The following MCTP1 variants were observed in gnomAD, a reference collection of about 807,000 sequenced individuals.
MCTP1 encodes multiple C2 and transmembrane domain-containing protein 1.
A neutral mutation model predicts 120.6 loss-of-function variants in MCTP1; 69 were observed. The ratio of observed to expected loss-of-function variants is 0.57; its 90% CI spans 0.47 to 0.70. The LOEUF is 0.70. MCTP1 is among the 30% of genes least tolerant of loss of function. MCTP1 has a pLI of 0.00. For missense variants in MCTP1, 1,203 were observed against 1,248.8 expected (o/e 0.96, Z 0.55); for synonymous variants, 529 against 493.1 (o/e 1.07, Z -0.96).
intron 5 of MCTP1, among the ~76,000 whole-genome samples, chr5:94,934,719 C>G (rs1815719376): frequency 7.0e-6 from 1 of 142,614 alleles, no homozygotes; most frequent in Admixed American, 7.4e-5. Flanking sequence ...AATATCAAAA[C>G]TAATCCAAGA....
At chr5:95,199,715 C>T (rs907139599) in intron 1 of MCTP1, among the ~76,000 whole-genome samples, 6 of 150,970 alleles carry the variant, frequency 4.0e-5, no homozygotes, top group East Asian at 1.9e-4. Context: ...AAAAATTAGC[C>T]GGGTGTGGTG....
chr5:95,211,899 G>C lies in MCTP1; in HGVS notation c.720+71957C>G, dbSNP rs563323615. On this transcript the variant is annotated intron_variant, in intron 1 of 22. Coordinates refer to ENST00000515393, the MANE Select transcript of MCTP1 (RefSeq NM_024717.7). ...TGTTAGTTTTCCTTCTGACAGACAG[G>C]ACCCTCAGCTGCAGGTCTGTTGGAG... 3.9e-5 allele frequency among the ~76,000 whole-genome samples: 6 copies of C among 152,188 alleles called. No individual in the cohort carries two copies. In the South Asian group the frequency reaches 1.2e-3, roughly 32 times the overall value.
intron 2 of MCTP1, among the ~76,000 whole-genome samples, chr5:94,987,031 T>C (rs1033625614): frequency 2.6e-5 from 4 of 152,218 alleles, no homozygotes; most frequent in Admixed American, 2.0e-4. Context: ...GTAAAGGCTA[T>C]GTGAATATTT....
intron 1 of MCTP1, among the ~76,000 whole-genome samples, chr5:95,195,537 A>C (rs939157185): frequency 2.0e-5 from 3 of 152,204 alleles, no homozygotes; most frequent in Non-Finnish European, 4.4e-5. Flanking sequence ...ATTAAAGGAC[A>C]CATAAAATCA....
At chr5:95,150,115 C>A (rs999536301) in intron 1 of MCTP1, among the ~76,000 whole-genome samples, 1 of 152,156 alleles carries the variant, frequency 6.6e-6, no homozygotes, top group Non-Finnish European at 1.5e-5. Flanking sequence ...AGTCAGTCAT[C>A]TTGAACCCAT....
intron 1 of MCTP1, among the ~76,000 whole-genome samples, chr5:95,225,565 T>C (rs1754164822): frequency 6.6e-6 from 1 of 152,216 alleles, no homozygotes; most frequent in South Asian, 2.1e-4. Context: ...TACTATTATG[T>C]AGGCCTTAAG....
Position 95,284,332 on chromosome 5 carries a change from T to C in MCTP1, c.244A>G (p.Lys82Glu). ...SGAGSRWSGF[K>E]KRKQVLDRVF... The stretch of plus-strand genomic sequence containing the variant: ...CGGTCCAGCACTTGCTTCCGCTTCT[T>C]GAAGCCGCTCCACCTGCTGCCTGCA... Residue 82 changes from lysine (K) to glutamate (E), a missense_variant, in exon 1 of 23, where the codon AAG becomes GAG. Transcript: ENST00000515393. This position sits in a 1 kb window ranked among gnomAD's most constrained non-coding sequence, Gnocchi z 5.2. 6.3e-7 allele frequency: 1 copy of C among 1,597,180 alleles called. No homozygotes were observed. The highest frequency in any genetic ancestry group is 8.5e-7 in the Non-Finnish European group (1 of 1,179,320).
intron 19 of MCTP1, among the ~76,000 whole-genome samples, chr5:94,763,384 C>G (rs922515892): frequency 1.1e-4 from 16 of 152,198 alleles, no homozygotes; most frequent in African/African-American, 3.9e-4. Context: ...GACTCTCCCT[C>G]CTGCACATTA....
intron 1 of MCTP1, among the ~76,000 whole-genome samples, chr5:95,093,558 CTA>C (rs1429138678): frequency 6.6e-6 from 1 of 151,950 alleles, no homozygotes; most frequent in African/African-American, 2.4e-5. Context: ...TTAGATGATA[CTA>C]TGTTTCAAGC....
chr5:94,868,668 G>A (rs1340784395), intron 16 of MCTP1, among the ~76,000 whole-genome samples: 1 of 151,822 alleles, frequency 6.6e-6, no homozygotes, highest in East Asian at 1.9e-4. Context: ...TTAAAATAAT[G>A]TTAACATGTA....
At chr5:94,829,431 T>A (rs1023272051) in intron 17 of MCTP1, among the ~76,000 whole-genome samples, 1 of 152,152 alleles carries the variant, frequency 6.6e-6, no homozygotes, top group Non-Finnish European at 1.5e-5. Flanking sequence ...TGCCCAGATA[T>A]CCGTTTTAAA....
intron 19 of MCTP1, among the ~76,000 whole-genome samples, chr5:94,746,638 G>A (rs1036257445): frequency 6.6e-6 from 1 of 152,178 alleles, no homozygotes; most frequent in African/African-American, 2.4e-5. Context: ...AGACAAAACT[G>A]AAATTCATCT....
At position 94,769,237 on chromosome 5, in the gene MCTP1, G is replaced by A. The variant is rs550812971; in HGVS notation, c.2610+9873C>T. ...TAATAGTTACTAGAGGCTGGGAAGC[G>A]GGTGGGGTGAAGAGAGATTGGTTAA... On this transcript the variant is annotated intron_variant, in intron 19 of 22. Transcript: ENST00000515393. Among the ~76,000 whole-genome samples, 17 of 152,230 alleles carry A rather than the reference G, an allele frequency of 1.1e-4. No individual in the cohort carries two copies. The South Asian group carries it at 1.9e-3, about 17-fold the overall frequency.
chr5:95,263,364 A>C (rs1473438168), intron 1 of MCTP1, among the ~76,000 whole-genome samples: 2 of 152,048 alleles, frequency 1.3e-5, no homozygotes, highest in African/African-American at 4.8e-5. Flanking sequence ...TTAGCATCTC[A>C]TGCCTCCCTT....
At chr5:95,031,099 T>A (rs1478731873) in intron 1 of MCTP1, among the ~76,000 whole-genome samples, 1 of 150,816 alleles carries the variant, frequency 6.6e-6, no homozygotes, top group Non-Finnish European at 1.5e-5. Flanking sequence ...TTAAAAAAAA[T>A]TAAAAAATGA....
chr5:94,867,065 G>T, intron 17 of MCTP1: 1 of 404,104 alleles, frequency 2.5e-6, no homozygotes, highest in Non-Finnish European at 4.1e-6. Flanking sequence ...GTCTAAAATA[G>T]ACATAGAAGC....
At chr5:95,166,995 C>T (rs945777887) in intron 1 of MCTP1, among the ~76,000 whole-genome samples, 2 of 148,540 alleles carry the variant, frequency 1.3e-5, no homozygotes, top group Non-Finnish European at 3.0e-5. Context: ...TATACATGTG[C>T]CATGTTGGTG....
intron 2 of MCTP1, among the ~76,000 whole-genome samples, chr5:94,977,695 G>A (rs907136454): frequency 1.3e-5 from 2 of 152,032 alleles, no homozygotes; most frequent in Admixed American, 6.6e-5. Flanking sequence ...AAGGGTGCCA[G>A]GAATACAAAA....
At chr5:94,830,180 T>C (rs768505689) in intron 17 of MCTP1, among the ~76,000 whole-genome samples, 1 of 152,200 alleles carries the variant, frequency 6.6e-6, no homozygotes, top group Non-Finnish European at 1.5e-5. Flanking sequence ...AACTCCTTTA[T>C]TTTTCTGGCC....
Sources: allele counts gnomAD v4.1 joint callset (sites outside exome capture counted in the v4.1 genomes callset), GRCh38; gene constraint gnomAD v4.1.1; non-coding constraint Gnocchi (gnomAD v3.1); transcripts MANE v1.5; gene names NCBI Gene and HGNC (gene_info 2026-07-23, HGNC 2026-07-21).